Variants in BIRC6 observed in about 807,000 individuals in gnomAD.
The protein encoded by BIRC6 is baculoviral IAP repeat containing 6.
In BIRC6, 98 loss-of-function variants were observed where a neutral mutation model predicts 503.3. The observed-to-expected ratio is 0.19, with a 90% CI of 0.17 to 0.23. BIRC6 has a LOEUF of 0.23. Ranked by LOEUF, BIRC6 falls within the 10% of genes least tolerant of loss-of-function variation. BIRC6 has a pLI of 1.00. For synonymous variants in BIRC6, 2,240 were observed against 2,078.7 expected, an observed-to-expected ratio of 1.08 and a Z score of -2.11; for missense variants, 5,360 against 5,806.0, an observed-to-expected ratio of 0.92 and a Z score of 2.50.
chr2:32,456,931 C>G (rs1186476860), intron 23 of BIRC6, among the ~76,000 whole-genome samples: 1 of 151,916 alleles, frequency 6.6e-6, no homozygotes, highest in African/African-American at 2.4e-5. Flanking sequence ...TATGAATTAT[C>G]TTTTATTATT....
At chr2:32,367,055 A>G (rs1047181128) in intron 1 of BIRC6, among the ~76,000 whole-genome samples, 1 of 152,244 alleles carries the variant, frequency 6.6e-6, no homozygotes, top group African/African-American at 2.4e-5. Flanking sequence ...AAAAGTTAAG[A>G]TAAACTTGGG....
chr2:32,522,709 C>CAAAGCATTTTATTCCCTGAAACCCTG (rs2055856290), intron 57 of BIRC6: 2 of 152,130 alleles, frequency 1.3e-5, no homozygotes, highest in Non-Finnish European at 2.9e-5. Flanking sequence ...TCTAAGAGCA[C>CAAAGCATTTTATTCCCTGAAACCCTG]AAAGCATTTT....
intron 66 of BIRC6, among the ~76,000 whole-genome samples, chr2:32,582,830 A>T (rs917071794): frequency 8.5e-5 from 13 of 152,098 alleles, no homozygotes; most frequent in Admixed American, 5.9e-4. Flanking sequence ...ACACTGTGGG[A>T]TTTTCTTTTA....
chr2:32,491,224 C>T (rs1477097795), intron 43 of BIRC6, among the ~76,000 whole-genome samples: 1 of 152,040 alleles, frequency 6.6e-6, no homozygotes, highest in Non-Finnish European at 1.5e-5. Context: ...TTTTCAGAAT[C>T]AGAAGGGGGC....
At chr2:32,428,293 T>G (rs761329423) in intron 10 of BIRC6, among the ~76,000 whole-genome samples, 6 of 152,236 alleles carry the variant, frequency 3.9e-5, no homozygotes, top group African/African-American at 1.4e-4. Context: ...CCCCTGTGCT[T>G]CTCTCACTAC....
At position 32,357,193 on chromosome 2, in the gene BIRC6, G is replaced by A. The variant is rs1364601649; in HGVS notation, c.32G>A (p.Gly11Glu). MVTGGGAAPP[G>E]TVTEPLPSVI... The stretch of plus-strand genomic sequence containing the variant: ...ACTGGTGGTGGTGCTGCACCTCCCG[G>A]GACTGTCACTGAGCCGCTTCCCAGT... The change falls in exon 1 of 74, where the codon GGG becomes GAG. Residue 11 changes from glycine to glutamate, a missense_variant. Coordinates refer to ENST00000421745, the MANE Select transcript of BIRC6 (RefSeq NM_016252.4). The surrounding 1 kb of genome is among the most constrained non-coding windows in gnomAD (Gnocchi z 4.9). The A allele has an allele frequency of 6.5e-7, 1 of 1,539,958 alleles. No individual in the cohort carries two copies. The highest frequency in any genetic ancestry group is 2.6e-5 in the East Asian group (1 of 38,706).
chr2:32,513,248 G>A (rs534405460), intron 54 of BIRC6, 94 bp downstream of exon 54: 47 of 842,508 alleles, frequency 5.6e-5, no homozygotes, highest in Non-Finnish European at 8.2e-5. Context: ...TTTATTAGGA[G>A]AAACATAATA....
At chr2:32,569,050 T>C (rs1432856620) in intron 65 of BIRC6, among the ~76,000 whole-genome samples, 2 of 145,720 alleles carry the variant, frequency 1.4e-5, no homozygotes, top group Non-Finnish European at 3.0e-5. Flanking sequence ...AGTGCAGTGG[T>C]GCGATCTGGG....
chr2:32,578,060 C>CT (rs1295821497), intron 66 of BIRC6, among the ~76,000 whole-genome samples: 1 of 152,098 alleles, frequency 6.6e-6, no homozygotes, highest in Non-Finnish European at 1.5e-5. Context: ...CTTGAATATA[C>CT]TTTTTCGTTG....
chr2:32,409,609 CT>C (rs1370170477), intron 9 of BIRC6, among the ~76,000 whole-genome samples: 3 of 152,064 alleles, frequency 2.0e-5, no homozygotes, highest in African/African-American at 7.2e-5. Context: ...GTATACATGG[CT>C]TCTTGTGAAG....
At position 32,515,141 on chromosome 2, in the gene BIRC6, C is replaced by T; in HGVS notation, c.10720C>T (p.His3574Tyr). The change falls in exon 55 of 74, where the codon CAT becomes TAT. Residue 3574 changes from histidine (H) to tyrosine (Y), a missense_variant. Transcript: ENST00000421745. Reference sequence around the variant, plus strand: ...AATTACCCCTCCTCCAGTGCAATGTCATCATAGACTGTCCATGACAGATGA... The same window carrying T: ...AATTACCCCTCCTCCAGTGCAATGTTATCATAGACTGTCCATGACAGATGA... Reference protein sequence around the residue: ...MGITPPPVQCHHRLSMTDDSK... With the variant: ...MGITPPPVQCYHRLSMTDDSK... 1 of 1,613,958 alleles carries T rather than the reference C, an allele frequency of 6.2e-7. No homozygotes were observed. The highest frequency in any genetic ancestry group is 1.1e-5 in the South Asian group (1 of 91,070).
intron 3 of BIRC6, among the ~76,000 whole-genome samples, chr2:32,381,195 A>G (rs1401341382): frequency 6.6e-6 from 1 of 152,144 alleles, no homozygotes; most frequent in Non-Finnish European, 1.5e-5. Context: ...TTGTAACTAT[A>G]CTAAAATATA....
chr2:32,599,263 A>C (rs943450023), intron 69 of BIRC6, among the ~76,000 whole-genome samples: 1 of 148,380 alleles, frequency 6.7e-6, no homozygotes, highest in African/African-American at 2.5e-5. Context: ...CAGGAAGTGG[A>C]GGTTGCAATG....
rs1196557600 is a variant in BIRC6, at chr2:32,357,512, C to T, written c.325+26C>T. 1.3e-6 allele frequency: 2 copies of T among 1,534,710 alleles called. No individual in the cohort carries two copies. The highest frequency in any genetic ancestry group is 1.8e-6 in the Non-Finnish European group (2 of 1,141,566). ...GTGAGTCTTCCGCACGCCGGGCGGG[C>T]GCGAAGCCGGGGAAAGAAGCCGTCC... On this transcript the variant is annotated intron_variant, in intron 1 of 73. Coordinates refer to ENST00000421745, the MANE Select transcript of BIRC6 (RefSeq NM_016252.4). The surrounding 1 kb of genome is among the most constrained non-coding windows in gnomAD (Gnocchi z 4.9).
intron 20 of BIRC6, among the ~76,000 whole-genome samples, chr2:32,445,148 A>G (rs1005338803): frequency 6.6e-6 from 1 of 152,230 alleles, no homozygotes; most frequent in Non-Finnish European, 1.5e-5. Flanking sequence ...GTATGTTGGT[A>G]AGGATGATTT....
intron 16 of BIRC6, among the ~76,000 whole-genome samples, chr2:32,440,751 T>TTTTTTTATTATTATTATTA (rs773312894): frequency 9.5e-5 from 14 of 147,150 alleles, no homozygotes; most frequent in Non-Finnish European, 1.9e-4. Flanking sequence ...TGTTTATTTA[T>TTTTTTTATTATTATTATTA]TTATTATTAT....
At chr2:32,425,641 A>G (rs2043403794) in intron 10 of BIRC6, among the ~76,000 whole-genome samples, 1 of 151,406 alleles carries the variant, frequency 6.6e-6, no homozygotes, top group African/African-American at 2.4e-5. Context: ...AGGCTAGAGA[A>G]CCCTCTCCCC....
At chr2:32,423,226 G>A (rs1049884281) in intron 10 of BIRC6, among the ~76,000 whole-genome samples, 16 of 152,126 alleles carry the variant, frequency 1.1e-4, no homozygotes, top group African/African-American at 3.1e-4. Context: ...CACTGTTCCC[G>A]GCCTGAGACT....
chr2:32,453,311 A>G (rs2046907749), intron 22 of BIRC6, among the ~76,000 whole-genome samples: 1 of 152,304 alleles, frequency 6.6e-6, no homozygotes, highest in South Asian at 2.1e-4. Flanking sequence ...AACAAAATAC[A>G]AGAAACAATG....
Sources: gnomAD v4.1 joint callset for allele counts (sites outside exome capture counted in the v4.1 genomes callset) on GRCh38, gnomAD v4.1.1 for gene constraint, Gnocchi (gnomAD v3.1) non-coding constraint, MANE v1.5 for transcripts, NCBI Gene and HGNC (gene_info 2026-07-23, HGNC 2026-07-21) for gene names.